SGSM2: variants seen among roughly 807,000 people sequenced by gnomAD.
SGSM2 encodes the protein small G protein signaling modulator 2, also known as RUN and TBC1 domain containing 1.
A neutral mutation model predicts 126.6 loss-of-function variants in SGSM2; 89 were observed. The observed-to-expected ratio is 0.70, with a 90% CI of 0.59 to 0.84. The LOEUF (loss-of-function observed/expected upper bound fraction) is 0.84. Among genes scored for constraint, SGSM2 ranks in the 40% least tolerant of loss-of-function variants. The pLI is 0.00. For missense variants in SGSM2, 1,404 were observed against 1,416.6 expected (o/e 0.99, Z 0.14); for synonymous variants, 614 against 574.3 (o/e 1.07, Z -0.99).
At position 2,379,954 on chromosome 17, in the gene SGSM2, C is replaced by G. The variant is rs2066343332; in HGVS notation, c.*434C>G. On this transcript the variant is annotated 3_prime_UTR_variant, in exon 24 of 24. Transcript: ENST00000268989. ...TGTGCTGTGTCCCTTCTGAGGGTCC[C>G]TTTGCAGTCCCAGTATATTGTGCGT... 2 of 1,335,610 alleles carry G rather than the reference C, an allele frequency of 1.5e-6. No individual in the cohort carries two copies. Among genetic ancestry groups the G allele is most frequent in the African/African-American group, 2.9e-5 (2 of 67,888 alleles). 82.7% of individuals were successfully genotyped at this position (1,335,610 alleles called of 1,614,324 possible).
rs2065476639 is a variant in SGSM2, at chr17:2,364,747, C to T, written c.1000+84C>T. 3.8e-6 allele frequency: 6 copies of T among 1,558,700 alleles called. No homozygotes were observed. In the Admixed American group the frequency reaches 6.7e-5, roughly 17 times the overall value. On this transcript the variant is annotated intron_variant, in intron 9 of 23. Coordinates refer to ENST00000268989, the MANE Select transcript of SGSM2 (RefSeq NM_014853.3). ...TGCACTGTGCGTGGGGCCTGTAAGACTCCTCGTCCTCCTCCCATCCTTGTT... is the reference window on the plus strand; with the variant it reads ...TGCACTGTGCGTGGGGCCTGTAAGATTCCTCGTCCTCCTCCCATCCTTGTT...
chr17:2,372,862 G>GC lies in SGSM2; in HGVS notation c.1789-87dup. The stretch of plus-strand genomic sequence containing the variant: ...GGCTTCAGCAGTCACTACAGGCCCC[G>GC]CCCCAGCCCATTCTCCGTGGGATGG... On this transcript the variant is annotated intron_variant, in intron 15 of 23. Coordinates refer to ENST00000268989, the MANE Select transcript of SGSM2 (RefSeq NM_014853.3). The surrounding 1 kb of genome is among the most constrained non-coding windows in gnomAD (Gnocchi z 6.0). The GC allele has an allele frequency of 1.3e-6, 2 of 1,496,978 alleles. No homozygotes were observed. The highest frequency in any genetic ancestry group is 1.8e-6 in the Non-Finnish European group (2 of 1,116,128). 92.7% of individuals were successfully genotyped at this position (1,496,978 alleles called of 1,614,324 possible). A position where few individuals can be genotyped will look rare whatever the true frequency, so the allele number is the denominator to read the frequency against.
rs1289495075 is a variant in SGSM2, at chr17:2,377,902, T to C, written c.2848T>C (p.Tyr950His). ...LFELMHQNGD[Y>H]THFYFCYRWF... ...TGAGCTGATGCATCAGAATGGAGAC[T>C]ACACCCACTTCTACTTCTGTTATCG... The change falls in exon 22 of 24, where the codon TAC becomes CAC. Residue 950 changes from tyrosine (Y) to histidine (H), a missense_variant. By Grantham distance (83) the Tyr-to-His change is moderately conservative (BLOSUM62 2). Coordinates refer to ENST00000268989, the MANE Select transcript of SGSM2 (RefSeq NM_014853.3). The C allele has an allele frequency of 6.2e-7, 1 of 1,613,284 alleles. No homozygotes were observed. Among genetic ancestry groups the C allele is most frequent in the African/African-American group, 1.3e-5 (1 of 74,922 alleles).
chr17:2,365,265 T>TATGGAGGAG lies in SGSM2; in HGVS notation c.1217_1225dup (p.Glu406_Met408dup). 6.2e-7 allele frequency: 1 copy of TATGGAGGAG among 1,610,564 alleles called. No homozygotes were observed. Among genetic ancestry groups the TATGGAGGAG allele is most frequent in the Non-Finnish European group, 8.5e-7 (1 of 1,178,412 alleles). On this transcript the variant is annotated inframe_insertion, in exon 11 of 24. Coordinates refer to ENST00000268989, the MANE Select transcript of SGSM2 (RefSeq NM_014853.3). The stretch of plus-strand genomic sequence containing the variant: ...AACGAAGCAGCATTCGCTCCGTGGA[T>TATGGAGGAG]ATGGAGGAGATGGGCACGGGGCGGG...
Position 2,372,784 on chromosome 17 carries a change from A to G in SGSM2, c.1789-169A>G, listed in dbSNP as rs113803972. 2 of 937,008 alleles carry G rather than the reference A, an allele frequency of 2.1e-6. No individual in the cohort carries two copies. The highest frequency in any genetic ancestry group is 3.1e-6 in the Non-Finnish European group (2 of 638,694). The allele number at this position is 937,008 out of a possible 1,614,324, so 58.0% of individuals were successfully genotyped here. ...GGAGAGCAGAACGAGATCTCATCCC[A>G]CTGTGAGCTGGGGCACGGGAGGACG... is the stretch of plus-strand genomic sequence containing the variant. On this transcript the variant is annotated intron_variant, in intron 15 of 23. Coordinates refer to ENST00000268989, the MANE Select transcript of SGSM2 (RefSeq NM_014853.3). The surrounding 1 kb of genome is among the most constrained non-coding windows in gnomAD (Gnocchi z 6.0).
In SGSM2 at chr17:2,363,755, C is replaced by G; in HGVS notation, c.807+156C>G. 8.5e-7 allele frequency: 1 copy of G among 1,176,072 alleles called. No homozygotes were observed. Among genetic ancestry groups the G allele is most frequent in the Non-Finnish European group, 1.2e-6 (1 of 848,888 alleles). 72.9% of individuals were successfully genotyped at this position (1,176,072 alleles called of 1,614,324 possible). On this transcript the variant is annotated intron_variant, in intron 7 of 23. Transcript: ENST00000268989. The surrounding 1 kb of genome is among the most constrained non-coding windows in gnomAD (Gnocchi z 4.2). ...AACTCCCTGTTTCACACGACTCACG[C>G]CCAGCCTTTAGTTGGCAGGGGACAG...
At chr17:2,377,728 GGGCAACAGACAGACCCACTGCCA>G (rs1295610006) in intron 21 of SGSM2, 106 bp from the exon 22 acceptor site, 3 of 672,996 alleles carry the variant, frequency 4.5e-6, no homozygotes, top group Non-Finnish European at 5.4e-6. Context: ...GCGCAGCACA[GGGCAACAGACAGACCCACTGCCA>G]GGTTGGGGAT....
In SGSM2 at chr17:2,376,830, G is replaced by T; in HGVS notation, c.2692+15G>T. 6.2e-7 allele frequency: 1 copy of T among 1,613,998 alleles called. No individual in the cohort carries two copies. The highest frequency in any genetic ancestry group is 1.7e-5 in the Admixed American group (1 of 60,030). On this transcript the variant is annotated intron_variant, in intron 20 of 23. Transcript: ENST00000268989. ...CCTCGACAATGGTGAGGGATGGCGGGACATGGGACTGGGCTGCGTAAGCTG... is the reference window on the plus strand; with the variant it reads ...CCTCGACAATGGTGAGGGATGGCGGTACATGGGACTGGGCTGCGTAAGCTG...
chr17:2,363,889 C>T lies in SGSM2; in HGVS notation c.808-170C>T. ...AGAGAGTCAGTGGCACCAGGCTGAC[C>T]AGGGAAACTGAGTCCTGTTTTCCTG... On this transcript the variant is annotated intron_variant, in intron 7 of 23. Coordinates refer to ENST00000268989, the MANE Select transcript of SGSM2 (RefSeq NM_014853.3). This position sits in a 1 kb window ranked among gnomAD's most constrained non-coding sequence, Gnocchi z 4.2. The T allele has an allele frequency of 1.2e-6, 1 of 844,962 alleles. No homozygotes were observed. The highest frequency in any genetic ancestry group is 1.8e-6 in the Non-Finnish European group (1 of 548,126). 52.3% of individuals were successfully genotyped at this position (844,962 alleles called of 1,614,324 possible).
chr17:2,349,113 C>T (rs904608775), intron 2 of SGSM2, among the ~76,000 whole-genome samples: 12 of 151,916 alleles, frequency 7.9e-5, no homozygotes, highest in Admixed American at 2.6e-4. Context: ...CAGTGGCTCA[C>T]GCCTGCAATC....
intron 12 of SGSM2, among the ~76,000 whole-genome samples, chr17:2,370,345 GC>G (rs1461626299): frequency 6.6e-6 from 1 of 152,258 alleles, no homozygotes. Context: ...CCCCACGTGG[GC>G]CGTGGAAGCT....
intron 2 of SGSM2, among the ~76,000 whole-genome samples, chr17:2,350,150 G>A (rs535079216): frequency 1.3e-5 from 2 of 151,890 alleles, no homozygotes; most frequent in South Asian, 4.2e-4. Flanking sequence ...TCAAACTCCT[G>A]ACCTCAGGTG....
chr17:2,363,047 C>T lies in SGSM2; in HGVS notation c.585C>T (p.Asp195=), dbSNP rs140028366. Residue 195 remains aspartate (D), a synonymous_variant, in exon 6 of 24, where the codon GAC becomes GAT. Transcript: ENST00000268989. The surrounding 1 kb of genome is among the most constrained non-coding windows in gnomAD (Gnocchi z 4.2). ...AGACAGCCGATCACTACTGGACTGA[C>T]CCCTCTGCTGATGAGCTGGTCCAGC... ...KLKTADHYWT[D]PSADELVQRH... The T allele has an allele frequency of 3.7e-6, 6 of 1,613,898 alleles. No individual in the cohort carries two copies. In the African/African-American group the frequency reaches 8.0e-5, roughly 22 times the overall value.
chr17:2,371,674 AG>A (rs1483200822), intron 13 of SGSM2: 4 of 481,078 alleles, frequency 8.3e-6, no homozygotes, highest in Non-Finnish European at 1.5e-5. Context: ...TTATGAGGAC[AG>A]AATGAGAGAG....
intron 2 of SGSM2, 126 bp from the exon 3 acceptor site, chr17:2,361,511 T>G: frequency 8.6e-7 from 1 of 1,166,334 alleles, no homozygotes. Flanking sequence ...GAAGCCAGGG[T>G]ATCTCCCTGG....
chr17:2,363,970 C>T lies in SGSM2; in HGVS notation c.808-89C>T, dbSNP rs537069833. 234 of 1,557,348 alleles carry T rather than the reference C, an allele frequency of 1.5e-4. No homozygotes were observed. In the African/African-American group the frequency reaches 2.6e-3, roughly 18 times the overall value. On this transcript the variant is annotated intron_variant, in intron 7 of 23. Coordinates refer to ENST00000268989, the MANE Select transcript of SGSM2 (RefSeq NM_014853.3). The surrounding 1 kb of genome is among the most constrained non-coding windows in gnomAD (Gnocchi z 4.2). ...CGTGACTAGCCTAGCTTGGCCTCCC[C>T]TCCTCCCAGCGGGAGCTCATTTCTC...
intron 2 of SGSM2, 116 bp from the exon 3 acceptor site, chr17:2,361,521 G>A: frequency 1.5e-6 from 2 of 1,304,206 alleles, no homozygotes; most frequent in Admixed American, 4.1e-5. Flanking sequence ...TATCTCCCTG[G>A]CCTGCCCTTG....
In SGSM2 at chr17:2,379,693, G is replaced by A; in HGVS notation, c.*173G>A. On this transcript the variant is annotated 3_prime_UTR_variant, in exon 24 of 24. Transcript: ENST00000268989. Reference sequence around the variant, plus strand: ...AGTGCTGACCCTGCAGGGCAAGTCAGGGGCCAGGATGCCCTCGGATCAGGG... The same window carrying A: ...AGTGCTGACCCTGCAGGGCAAGTCAAGGGCCAGGATGCCCTCGGATCAGGG... 1 of 1,427,058 alleles carries A rather than the reference G, an allele frequency of 7.0e-7. No individual in the cohort carries two copies. The highest frequency in any genetic ancestry group is 9.2e-7 in the Non-Finnish European group (1 of 1,089,594). 88.4% of individuals were successfully genotyped at this position (1,427,058 alleles called of 1,614,324 possible).
rs1481923320 is a variant in SGSM2, at chr17:2,376,834, T to C, written c.2692+19T>C. 8 of 1,613,802 alleles carry C rather than the reference T, an allele frequency of 5.0e-6. No individual in the cohort carries two copies. Among genetic ancestry groups the C allele is most frequent in the East Asian group, 2.2e-5 (1 of 44,884 alleles). ...GACAATGGTGAGGGATGGCGGGACA[T>C]GGGACTGGGCTGCGTAAGCTGGAGA... On this transcript the variant is annotated intron_variant, in intron 20 of 23. Transcript: ENST00000268989.
Sources: gnomAD v4.1 joint callset for allele counts (sites outside exome capture counted in the v4.1 genomes callset) on GRCh38, gnomAD v4.1.1 for gene constraint, Gnocchi (gnomAD v3.1) non-coding constraint, MANE v1.5 for transcripts, NCBI Gene and HGNC (gene_info 2026-07-23, HGNC 2026-07-21) for gene names.